The following PTPN12 variants were observed in gnomAD, a reference collection of about 807,000 sequenced individuals.
PTPN12 encodes the protein tyrosine-protein phosphatase non-receptor type 12.
A neutral mutation model predicts 97.6 loss-of-function variants in PTPN12; 29 were observed. The observed-to-expected ratio is 0.30, with a 90% CI of 0.22 to 0.41. The LOEUF (loss-of-function observed/expected upper bound fraction) is 0.41, where lower values mean the gene tolerates loss of function less well. Among genes scored for constraint, PTPN12 ranks in the 10% least tolerant of loss-of-function variants. The pLI is 1.00. For synonymous variants in PTPN12, 327 were observed against 300.4 expected (o/e 1.09, Z -0.91); for missense variants, 819 against 926.0 (o/e 0.88, Z 1.50).
chr7:77,616,156 C>T (rs1788743191), intron 11 of PTPN12, among the ~76,000 whole-genome samples: 1 of 152,174 alleles, frequency 6.6e-6, no homozygotes, highest in African/African-American at 2.4e-5. Flanking sequence ...ACCCTTCCAC[C>T]TGTTTTCCTT....
intron 2 of PTPN12, among the ~76,000 whole-genome samples, chr7:77,577,229 G>T (rs960535428): frequency 6.6e-6 from 1 of 152,078 alleles, no homozygotes; most frequent in Non-Finnish European, 1.5e-5. Flanking sequence ...CCAGAGCCTT[G>T]GCTTTTAAAT....
intron 1 of PTPN12, among the ~76,000 whole-genome samples, chr7:77,544,966 A>C (rs1418962875): frequency 6.6e-6 from 1 of 152,200 alleles, no homozygotes. Flanking sequence ...TTGTATTTTC[A>C]GTATCCACTG....
chr7:77,613,023 A>G (rs559097265), intron 11 of PTPN12, among the ~76,000 whole-genome samples: 3 of 152,038 alleles, frequency 2.0e-5, no homozygotes, highest in Admixed American at 2.0e-4. Flanking sequence ...CCCCTGCCTC[A>G]GCCTCCCAAA....
intron 11 of PTPN12, among the ~76,000 whole-genome samples, chr7:77,613,067 G>T (rs949917139): frequency 1.3e-5 from 2 of 150,034 alleles, no homozygotes; most frequent in African/African-American, 4.9e-5. Context: ...CACTGCACCC[G>T]GCCAAACATT....
In PTPN12 at chr7:77,590,621, C is replaced by T. The variant is rs966327526; in HGVS notation, c.421-1564C>T. On this transcript the variant is annotated intron_variant, in intron 5 of 17. Transcript: ENST00000248594. ...TGTCGCCCAGGCTTGAGTGCAGTGG[C>T]ACAATCTCAGCTCTTTGCAACCTGC... Among the ~76,000 whole-genome samples the T allele has an allele frequency of 1.2e-3, 177 of 151,176 alleles. 1 individual carries two copies. Among genetic ancestry groups the T allele is most frequent in the African/African-American group, 4.2e-3 (171 of 41,188 alleles).
intron 5 of PTPN12, among the ~76,000 whole-genome samples, chr7:77,590,382 G>T (rs945161638): frequency 6.6e-6 from 1 of 152,020 alleles, no homozygotes; most frequent in Admixed American, 6.6e-5. Context: ...TCAGGTAAAA[G>T]ATTAAAAAAA....
rs767449866 is a variant in PTPN12 at position 77,627,365 on chromosome 7, T to C, written c.1686T>C (p.Thr562=). The C allele has an allele frequency of 5.0e-6, 8 of 1,613,944 alleles. No homozygotes were observed. In the African/African-American group the frequency reaches 9.3e-5, roughly 19 times the overall value. Residue 562 remains threonine (T), a synonymous_variant, in exon 13 of 18, where the codon ACT becomes ACC. Coordinates refer to ENST00000248594, the MANE Select transcript of PTPN12 (RefSeq NM_002835.4). ...EGNSSDINYQ[T]RKTVSLTPSP... is the part of the protein sequence containing the mutation. ...ATTCCTCAGATATCAACTATCAAAC[T>C]AGGAAAACTGTGAGTTTAACACCAA...
At chr7:77,576,231 A>G (rs1787338479) in intron 2 of PTPN12, among the ~76,000 whole-genome samples, 2 of 152,210 alleles carry the variant, frequency 1.3e-5, no homozygotes, top group South Asian at 4.1e-4. Context: ...GTTGAATAAT[A>G]TTCCATTGTA....
chr7:77,537,440 A>T lies in PTPN12; in HGVS notation c.-107A>T. The T allele has an allele frequency of 8.6e-7, 1 of 1,165,228 alleles. No homozygotes were observed. Among genetic ancestry groups the T allele is most frequent in the Non-Finnish European group, 1.1e-6 (1 of 939,508 alleles). The allele number at this position is 1,165,228 out of a possible 1,614,324, so 72.2% of individuals were successfully genotyped here. A position where few individuals can be genotyped will look rare whatever the true frequency, so the allele number is the denominator to read the frequency against. Reference sequence around the variant, plus strand: ...AGCCGCGGGGCTTGGCGGGGTCGGGAGGGAGGGACGTGCTGGGGGAACGAG... The same window carrying T: ...AGCCGCGGGGCTTGGCGGGGTCGGGTGGGAGGGACGTGCTGGGGGAACGAG... On this transcript the variant is annotated 5_prime_UTR_variant, in exon 1 of 18. Coordinates refer to ENST00000248594, the MANE Select transcript of PTPN12 (RefSeq NM_002835.4).
chr7:77,603,550 A>G (rs1016961821), intron 8 of PTPN12, among the ~76,000 whole-genome samples: 1 of 152,150 alleles, frequency 6.6e-6, no homozygotes, highest in African/African-American at 2.4e-5. Context: ...CAGTGGCACA[A>G]TCTCGGCTCA....
intron 2 of PTPN12, among the ~76,000 whole-genome samples, chr7:77,573,105 C>CAAACAAAAA (rs1554314865): frequency 4.2e-5 from 2 of 47,844 alleles, no homozygotes; most frequent in Non-Finnish European, 3.7e-5. Context: ...AACAAAAAAA[C>CAAACAAAAA]AAAAAAAACC....
At chr7:77,561,400 T>A (rs180686545) in intron 1 of PTPN12, among the ~76,000 whole-genome samples, 1 of 152,264 alleles carries the variant, frequency 6.6e-6, no homozygotes, top group Admixed American at 6.5e-5. Flanking sequence ...GTAATTTTAG[T>A]AGGGTAATAA....
chr7:77,573,991 C>T (rs1054199597), intron 2 of PTPN12, among the ~76,000 whole-genome samples: 8 of 152,204 alleles, frequency 5.3e-5, no homozygotes, highest in Non-Finnish European at 8.8e-5. Context: ...GAACTCCTAA[C>T]GTCAGGTCAT....
intron 1 of PTPN12, among the ~76,000 whole-genome samples, chr7:77,551,101 C>G (rs1461285867): frequency 6.6e-6 from 1 of 152,144 alleles, no homozygotes; most frequent in Admixed American, 6.5e-5. Flanking sequence ...CGCTCTGTCA[C>G]CCAGGCTGGG....
chr7:77,573,802 C>T (rs138848707), intron 2 of PTPN12, among the ~76,000 whole-genome samples: 3,184 of 152,222 alleles, frequency 0.021, 104 homozygotes, highest in African/African-American at 0.072. Context: ...GCTCTGTTGC[C>T]CAGGCTGGAG....
At position 77,639,381 on chromosome 7, in the gene PTPN12, A is replaced by T; in HGVS notation, c.*101A>T. 1 of 934,620 alleles carries T rather than the reference A, an allele frequency of 1.1e-6. No individual in the cohort carries two copies. The highest frequency in any genetic ancestry group is 1.6e-6 in the Non-Finnish European group (1 of 609,352). 57.9% of individuals were successfully genotyped at this position (934,620 alleles called of 1,614,324 possible). A position where few individuals can be genotyped will look rare whatever the true frequency, so the allele number is the denominator to read the frequency against. On this transcript the variant is annotated 3_prime_UTR_variant, in exon 18 of 18. Coordinates refer to ENST00000248594, the MANE Select transcript of PTPN12 (RefSeq NM_002835.4). ...ATCTTTAATATGTGGGACTAACAGCAGTGTAGATTGTTACCTTAATATTTT... is the reference window on the plus strand; with the variant it reads ...ATCTTTAATATGTGGGACTAACAGCTGTGTAGATTGTTACCTTAATATTTT...
chr7:77,636,895 C>T (rs1178399212), intron 15 of PTPN12, 123 bp from the exon 16 acceptor site: 2 of 646,994 alleles, frequency 3.1e-6, no homozygotes, highest in African/African-American at 1.9e-5. Flanking sequence ...GTTTGCTTTT[C>T]CTCTGATGCT....
At chr7:77,589,621 A>G (rs1787802221) in intron 5 of PTPN12, among the ~76,000 whole-genome samples, 1 of 152,178 alleles carries the variant, frequency 6.6e-6, no homozygotes, top group Admixed American at 6.5e-5. Flanking sequence ...GGAAGCCTTA[A>G]TTTATTCCAT....
intron 2 of PTPN12, among the ~76,000 whole-genome samples, chr7:77,573,994 C>G (rs1186216548): frequency 1.3e-5 from 2 of 152,316 alleles, no homozygotes; most frequent in South Asian, 2.1e-4. Context: ...CTCCTAACGT[C>G]AGGTCATCCG....
Sources: gnomAD v4.1 joint callset for allele counts (sites outside exome capture counted in the v4.1 genomes callset) on GRCh38, gnomAD v4.1.1 for gene constraint, MANE v1.5 for transcripts, NCBI Gene and HGNC (gene_info 2026-07-23, HGNC 2026-07-21) for gene names.